Variants in HEPACAM2 observed in about 807,000 individuals in gnomAD.
HEPACAM2 encodes the protein HEPACAM family member 2.
Under a neutral mutation model 49.6 loss-of-function variants are expected in HEPACAM2, and 49 were observed. The ratio of observed to expected loss-of-function variants is 0.99; its 90% CI spans 0.78 to 1.25. The LOEUF is 1.25. Ranked by LOEUF, HEPACAM2 falls within the 50% of genes most tolerant of loss-of-function variation. HEPACAM2 has a pLI of 0.00. For missense variants in HEPACAM2, 525 were observed against 557.2 expected, an observed-to-expected ratio of 0.94 and a Z score of 0.58; for synonymous variants, 197 against 202.9, an observed-to-expected ratio of 0.97 and a Z score of 0.25.
intron 1 of HEPACAM2, among the ~76,000 whole-genome samples, chr7:93,225,446 T>G (rs1794521625): frequency 6.6e-6 from 1 of 152,138 alleles, no homozygotes; most frequent in South Asian, 2.1e-4. Context: ...ATAATAACAT[T>G]TACAATGCAA....
chr7:93,192,150 T>C (rs1793565666), intron 9 of HEPACAM2, 104 bp downstream of exon 9: 1 of 724,124 alleles, frequency 1.4e-6, no homozygotes, highest in Admixed American at 2.8e-5. Flanking sequence ...CTATAATTTC[T>C]TGTTTTGGTA....
chr7:93,227,867 G>A (rs779674633), upstream of HEPACAM2, among the ~76,000 whole-genome samples: 29 of 152,302 alleles, frequency 1.9e-4, no homozygotes, highest in South Asian at 1.9e-3. Context: ...TGTTGGGCAC[G>A]TAGCATAATG....
Position 93,220,842 on chromosome 7 carries a change from G to A in HEPACAM2, c.80-1391C>T, listed in dbSNP as rs145428301. 1.6e-4 allele frequency among the ~76,000 whole-genome samples: 25 copies of A among 152,260 alleles called. No homozygotes were observed. In the East Asian group the frequency reaches 4.8e-3, roughly 29 times the overall value. ...TTTCTATGTATTTGCAGGGGGAAGA[G>A]AGTCTTCCTTAGCTCAGGTTACCAT... On this transcript the variant is annotated intron_variant, in intron 1 of 9. Transcript: ENST00000394468.
intron 4 of HEPACAM2, among the ~76,000 whole-genome samples, chr7:93,201,510 A>G (rs913561070): frequency 6.6e-6 from 1 of 152,100 alleles, no homozygotes; most frequent in African/African-American, 2.4e-5. Flanking sequence ...TAAAAATTCT[A>G]ATCAATAGTT....
In HEPACAM2 at chr7:93,197,161, T is replaced by C. The variant is rs1584330131; in HGVS notation, c.1201+80A>G. On this transcript the variant is annotated intron_variant, in intron 7 of 9. Coordinates refer to ENST00000394468, the MANE Select transcript of HEPACAM2 (RefSeq NM_001039372.4). ...TTTAGCTCATATTAATTATATTACA[T>C]TAATAATATATAATAATATTAACAC... The C allele has an allele frequency of 5.4e-6, 5 of 924,102 alleles. No individual in the cohort carries two copies. The East Asian group carries it at 1.7e-4, about 31-fold the overall frequency. The allele number at this position is 924,102 out of a possible 1,614,324, so 57.2% of individuals were successfully genotyped here.
At chr7:93,196,264 T>C (rs886067694) in intron 7 of HEPACAM2, among the ~76,000 whole-genome samples, 1 of 152,162 alleles carries the variant, frequency 6.6e-6, no homozygotes, top group African/African-American at 2.4e-5. Context: ...CCACCCGTAA[T>C]ATCTACTGCA....
chr7:93,195,774 C>A, intron 8 of HEPACAM2, 54 bp downstream of exon 8: 1 of 1,380,480 alleles, frequency 7.2e-7, no homozygotes. Context: ...CTTTTTACAC[C>A]TCTGGTGAAG....
intron 3 of HEPACAM2, among the ~76,000 whole-genome samples, chr7:93,214,436 CTTCT>C (rs1257247564): frequency 6.6e-6 from 1 of 152,080 alleles, no homozygotes; most frequent in East Asian, 1.9e-4. Flanking sequence ...TCTAAATGTT[CTTCT>C]TTCTATTATC....
chr7:93,220,625 T>G (rs1161016505), intron 1 of HEPACAM2, among the ~76,000 whole-genome samples: 2 of 152,116 alleles, frequency 1.3e-5, no homozygotes, highest in Non-Finnish European at 2.9e-5. Context: ...AATGTGAATT[T>G]AAGAGAGAAT....
At chr7:93,212,188 A>G (rs1794193308) in intron 3 of HEPACAM2, among the ~76,000 whole-genome samples, 1 of 152,122 alleles carries the variant, frequency 6.6e-6, no homozygotes, top group Non-Finnish European at 1.5e-5. Context: ...TAATTTAATA[A>G]GTTCATTCTG....
intron 4 of HEPACAM2, chr7:93,205,504 C>T (rs1794005079): frequency 6.6e-6 from 1 of 152,146 alleles, no homozygotes; most frequent in Non-Finnish European, 1.5e-5. Context: ...AGGTTAATCT[C>T]TTACTTACAG....
At chr7:93,198,608 T>G (rs1237688825) in intron 4 of HEPACAM2, among the ~76,000 whole-genome samples, 1 of 152,142 alleles carries the variant, frequency 6.6e-6, no homozygotes, top group Admixed American at 6.6e-5. Flanking sequence ...ACAGATGTCT[T>G]CCATATTACC....
At chr7:93,220,572 T>A (rs1208067882) in intron 1 of HEPACAM2, among the ~76,000 whole-genome samples, 3 of 152,202 alleles carry the variant, frequency 2.0e-5, no homozygotes, top group Admixed American at 6.5e-5. Flanking sequence ...CATTTTGAGA[T>A]GCCCATTAGA....
At chr7:93,222,327 AG>A (rs1411744331) in intron 1 of HEPACAM2, among the ~76,000 whole-genome samples, 1 of 152,156 alleles carries the variant, frequency 6.6e-6, no homozygotes, top group Non-Finnish European at 1.5e-5. Flanking sequence ...AAATAGGCTT[AG>A]TACCTGTTAT....
intron 3 of HEPACAM2, among the ~76,000 whole-genome samples, chr7:93,212,278 T>C (rs1399008871): frequency 6.6e-6 from 1 of 152,076 alleles, no homozygotes; most frequent in Non-Finnish European, 1.5e-5. Context: ...ATTTCGTTAC[T>C]TCCCCATTTA....
At chr7:93,196,786 G>GA (rs1793735356) in intron 7 of HEPACAM2, among the ~76,000 whole-genome samples, 1 of 152,126 alleles carries the variant, frequency 6.6e-6, no homozygotes, top group African/African-American at 2.4e-5. Context: ...GTTACAGTGG[G>GA]GACAAAGAAG....
intron 3 of HEPACAM2, among the ~76,000 whole-genome samples, chr7:93,211,131 G>A (rs961047539): frequency 4.6e-5 from 7 of 151,854 alleles, no homozygotes; most frequent in African/African-American, 9.7e-5. Flanking sequence ...AACAGAAAAC[G>A]AATATACAAA....
intron 8 of HEPACAM2, 83 bp downstream of exon 8, chr7:93,195,745 C>T: frequency 9.9e-7 from 1 of 1,005,480 alleles, no homozygotes; most frequent in African/African-American, 1.6e-5. Context: ...GACCACACTG[C>T]CCAGTGCTTA....
chr7:93,210,809 T>C (rs1374024717), intron 3 of HEPACAM2, among the ~76,000 whole-genome samples: 1 of 151,970 alleles, frequency 6.6e-6, no homozygotes, highest in African/African-American at 2.4e-5. Flanking sequence ...AACTAATTTT[T>C]TCAATCACTA....
Sources: allele counts gnomAD v4.1 joint callset (sites outside exome capture counted in the v4.1 genomes callset), GRCh38; gene constraint gnomAD v4.1.1; transcripts MANE v1.5; gene names NCBI Gene and HGNC (gene_info 2026-07-23, HGNC 2026-07-21).